BBS9: variants seen among roughly 807,000 people sequenced by gnomAD.
BBS9 encodes Bardet-Biedl syndrome 9.
In BBS9, 89 loss-of-function variants were observed where a neutral mutation model predicts 117.7. The observed-to-expected ratio is 0.76, with a 90% CI of 0.64 to 0.90. The LOEUF (loss-of-function observed/expected upper bound fraction) is 0.90, where lower values mean the gene tolerates loss of function less well. Among genes scored for constraint, BBS9 ranks in the 40% least tolerant of loss-of-function variants. BBS9 has a pLI of 0.00. For missense variants in BBS9, 982 were observed against 1,042.2 expected (o/e 0.94, Z 0.80); for synonymous variants, 379 against 370.9 (o/e 1.02, Z -0.25).
chr7:33,368,929 TAAC>T (rs1563074965), intron 17 of BBS9, among the ~76,000 whole-genome samples: 1 of 152,098 alleles, frequency 6.6e-6, no homozygotes, highest in Non-Finnish European at 1.5e-5. Flanking sequence ...GTCACAGAAA[TAAC>T]AACTCTGAGA....
intron 21 of BBS9, among the ~76,000 whole-genome samples, chr7:33,583,208 G>A (rs1235455294): frequency 3.3e-5 from 5 of 151,878 alleles, no homozygotes; most frequent in African/African-American, 7.3e-5. Flanking sequence ...CAGTACTTTC[G>A]TTTCCTCTCC....
intron 9 of BBS9, among the ~76,000 whole-genome samples, chr7:33,276,557 C>G (rs969103806): frequency 9.9e-5 from 15 of 152,044 alleles, no homozygotes; most frequent in African/African-American, 3.6e-4. Context: ...AGATCATTTA[C>G]AGGGGGGAAG....
At chr7:33,575,099 T>G (rs1216518177) in intron 21 of BBS9, among the ~76,000 whole-genome samples, 2 of 152,082 alleles carry the variant, frequency 1.3e-5, no homozygotes, top group African/African-American at 2.4e-5. Context: ...GACTTGAGGC[T>G]GGTAAGTATT....
chr7:33,329,003 T>TTATTTATTTATTTATC, intron 9 of BBS9, among the ~76,000 whole-genome samples: 1 of 148,142 alleles, frequency 6.8e-6, no homozygotes, highest in African/African-American at 2.5e-5. Flanking sequence ...TTTTATTTAT[T>TTATTTATTTATTTATC]TATTTATTTA....
At chr7:33,181,339 T>C (rs546553738) in intron 5 of BBS9, among the ~76,000 whole-genome samples, 9 of 152,172 alleles carry the variant, frequency 5.9e-5, no homozygotes, top group African/African-American at 1.9e-4. Context: ...TATATACTTC[T>C]TTGTACCTGG....
intron 19 of BBS9, among the ~76,000 whole-genome samples, chr7:33,456,698 G>A (rs533503496): frequency 1.3e-5 from 2 of 152,074 alleles, no homozygotes; most frequent in African/African-American, 2.4e-5. Context: ...CAGGCTTGCT[G>A]TCATGGATAA....
At chr7:33,610,169 G>A (rs949943810), downstream of BBS9, among the ~76,000 whole-genome samples, 1 of 152,094 alleles carries the variant, frequency 6.6e-6, no homozygotes, top group African/African-American at 2.4e-5. Context: ...TAGAGAGAGA[G>A]AATAGAAACT....
chr7:33,373,896 A>G (rs1823318053), intron 17 of BBS9, among the ~76,000 whole-genome samples: 1 of 152,226 alleles, frequency 6.6e-6, no homozygotes. Context: ...ATCTTCCAAA[A>G]GAAATCATAT....
intron 21 of BBS9, among the ~76,000 whole-genome samples, chr7:33,578,335 A>G (rs918886391): frequency 6.6e-6 from 1 of 152,166 alleles, no homozygotes; most frequent in African/African-American, 2.4e-5. Flanking sequence ...CCTGACTCCA[A>G]TGCTTGTTCT....
intron 17 of BBS9, among the ~76,000 whole-genome samples, chr7:33,373,882 T>G (rs971496418): frequency 6.6e-6 from 1 of 152,206 alleles, no homozygotes; most frequent in Non-Finnish European, 1.5e-5. Context: ...AGGATTTCTT[T>G]TGCATCTTCC....
At chr7:33,171,090 C>T (rs201271713) in intron 4 of BBS9, among the ~76,000 whole-genome samples, 72,847 of 149,902 alleles carry the variant, frequency 0.49, 17,755 homozygotes, top group East Asian at 0.66. Context: ...CTTCACAGAA[C>T]TGGAAAAAAC....
chr7:33,613,537 T>C (rs1864982631), intron 21 of BBS9, among the ~76,000 whole-genome samples: 1 of 151,890 alleles, frequency 6.6e-6, no homozygotes, highest in Non-Finnish European at 1.5e-5. Context: ...GGGTTGGAAT[T>C]GGAAATATGA....
At chr7:33,325,850 C>G (rs1812707982) in intron 9 of BBS9, among the ~76,000 whole-genome samples, 1 of 152,174 alleles carries the variant, frequency 6.6e-6, no homozygotes, top group Non-Finnish European at 1.5e-5. Flanking sequence ...GAGTCTCTCT[C>G]TCTCTCTGCT....
intron 16 of BBS9, among the ~76,000 whole-genome samples, chr7:33,367,222 TTAAA>T (rs1320181846): frequency 3.9e-5 from 6 of 152,178 alleles, no homozygotes; most frequent in Non-Finnish European, 7.3e-5. Flanking sequence ...TTAAAATATT[TTAAA>T]TAAATAGAGC....
chr7:33,375,791 C>T (rs1369815854), intron 17 of BBS9, among the ~76,000 whole-genome samples: 1 of 151,904 alleles, frequency 6.6e-6, no homozygotes, highest in African/African-American at 2.4e-5. Flanking sequence ...TGGGATTTCA[C>T]GCCCAGGCTG....
chr7:33,340,074 T>C (rs112479559), intron 10 of BBS9, among the ~76,000 whole-genome samples: 141 of 152,046 alleles, frequency 9.3e-4, no homozygotes, highest in African/African-American at 3.4e-3. Context: ...CATAAACATG[T>C]TTAAAATTAT....
intron 19 of BBS9, among the ~76,000 whole-genome samples, chr7:33,428,822 C>T (rs1584791167): frequency 6.6e-6 from 1 of 152,130 alleles, no homozygotes; most frequent in Admixed American, 6.5e-5. Context: ...CTACAGGCTA[C>T]TATGGTAGTT....
At chr7:33,311,674 G>A (rs571854640) in intron 9 of BBS9, among the ~76,000 whole-genome samples, 5 of 152,070 alleles carry the variant, frequency 3.3e-5, no homozygotes, top group East Asian at 3.9e-4. Context: ...AAGATTAGCC[G>A]GGTGTGGTGG....
chr7:33,500,590 G>A (rs1316296222), intron 19 of BBS9, among the ~76,000 whole-genome samples: 1 of 152,200 alleles, frequency 6.6e-6, no homozygotes, highest in Non-Finnish European at 1.5e-5. Flanking sequence ...TGCACACAGT[G>A]CCTGGCCCAC....
Sources: allele counts gnomAD v4.1 joint callset (sites outside exome capture counted in the v4.1 genomes callset), GRCh38; gene constraint gnomAD v4.1.1; transcripts MANE v1.5; gene names NCBI Gene and HGNC (gene_info 2026-07-23, HGNC 2026-07-21).